BCL9L: variants seen among roughly 807,000 people sequenced by gnomAD.
BCL9L encodes the protein BCL9 like, also known as B-cell CLL/lymphoma 9-like protein.
A neutral mutation model predicts 99.4 loss-of-function variants in BCL9L; 19 were observed. The observed-to-expected ratio is 0.19, with a 90% CI of 0.13 to 0.28. The LOEUF (loss-of-function observed/expected upper bound fraction) is 0.28, where lower values mean the gene tolerates loss of function less well. Ranked by LOEUF, BCL9L falls within the 10% of genes least tolerant of loss-of-function variation. BCL9L has a pLI of 1.00. For missense variants in BCL9L, 2,023 were observed against 2,101.6 expected (o/e 0.96, Z 0.73); for synonymous variants, 900 against 854.8 (o/e 1.05, Z -0.92).
Position 118,902,403 on chromosome 11 carries a change from G to GGGC in BCL9L, c.1339_1340insGCC (p.Ala447delinsGlyPro). ...GGGTGGCTGCTGGGGGGGAGGGGGG[G>GGGC]CTTGTGCTGGTGGGCCCCCCTCACC... On this transcript the variant is annotated protein_altering_variant, in exon 8 of 10. Transcript: ENST00000683865. The surrounding 1 kb of genome is among the most constrained non-coding windows in gnomAD (Gnocchi z 7.8). 1 of 1,307,572 alleles carries GGGC rather than the reference G, an allele frequency of 7.6e-7. No homozygotes were observed. Among genetic ancestry groups the GGGC allele is most frequent in the Non-Finnish European group, 1.1e-6 (1 of 926,322 alleles). 81.0% of individuals were successfully genotyped at this position (1,307,572 alleles called of 1,614,324 possible).
At chr11:118,913,010 T>C (rs976674315) in intron 2 of BCL9L, among the ~76,000 whole-genome samples, 28 of 151,926 alleles carry the variant, frequency 1.8e-4, no homozygotes, top group Non-Finnish European at 5.9e-5. Flanking sequence ...CTTCCTGAGG[T>C]GGTGACTCAG....
chr11:118,912,447 G>A (rs1345028656), intron 2 of BCL9L, among the ~76,000 whole-genome samples: 1 of 152,124 alleles, frequency 6.6e-6, no homozygotes, highest in Non-Finnish European at 1.5e-5. Flanking sequence ...AGGAGCGGAA[G>A]AGGCGGCTTG....
At chr11:118,905,275 G>A (rs548404089) in intron 5 of BCL9L, among the ~76,000 whole-genome samples, 53 of 152,222 alleles carry the variant, frequency 3.5e-4, no homozygotes, top group African/African-American at 9.6e-4. Context: ...TTGGGAGGCC[G>A]AGGCGGGCGG....
In BCL9L at chr11:118,914,953, T is replaced by A. The variant is rs906859490; in HGVS notation, c.-77+3873A>T. Among the ~76,000 whole-genome samples, 3 of 152,138 alleles carry A rather than the reference T, an allele frequency of 2.0e-5. No individual in the cohort carries two copies. Among genetic ancestry groups the A allele is most frequent in the Non-Finnish European group, 2.9e-5 (2 of 68,018 alleles). On this transcript the variant is annotated intron_variant, in intron 2 of 9. Transcript: ENST00000683865. This position sits in a 1 kb window ranked among gnomAD's most constrained non-coding sequence, Gnocchi z 4.4. ...GAGTTCAAGACCAGCCTGGCCATGA[T>A]GGTGAAACCCTGTCTCTACTACAAA...
rs1940202619 is a variant in BCL9L at position 118,901,008 on chromosome 11, C to T, written c.2735G>A (p.Arg912Lys). Residue 912 changes from arginine to lysine, a missense_variant, in exon 8 of 10, where the codon AGG becomes AAG. This residue lies in a region of BCL9L where 902 missense variants were observed against 888.2 expected (regional missense o/e 1.02). Transcript: ENST00000683865. This position sits in a 1 kb window ranked among gnomAD's most constrained non-coding sequence, Gnocchi z 6.6. ...ACTGATGGTGAGGTCCGAAGGCCGC[C>T]TGCCTAGCCCCCGGTTTGGGGCTGA... ...VHSAPNRGLG[R>K]RPSDLTISIN... The T allele has an allele frequency of 3.9e-6, 6 of 1,555,728 alleles. No individual in the cohort carries two copies. The highest frequency in any genetic ancestry group is 1.7e-4 in the Middle Eastern group (1 of 5,762).
At chr11:118,917,711 C>A (rs1034834841) in intron 2 of BCL9L, among the ~76,000 whole-genome samples, 1 of 152,172 alleles carries the variant, frequency 6.6e-6, no homozygotes, top group Non-Finnish European at 1.5e-5. Context: ...CTCCCTCAAC[C>A]CAGGTACCCG....
intron 9 of BCL9L, 137 bp downstream of exon 9, chr11:118,899,780 G>C: frequency 7.8e-7 from 1 of 1,288,834 alleles, no homozygotes; most frequent in South Asian, 1.5e-5. Context: ...CAGCGAGTGG[G>C]AACAGCATCC....
In BCL9L at chr11:118,907,571, C is replaced by G. The variant is rs778468875; in HGVS notation, c.444G>C (p.Val148=). ...EVAPRSKRRC[V]LERKQPYSGD... ...CACTGTACGGCTGCTTCCGCTCCAG[C>G]ACACAGCGCCGCTTACTCCGCGGCG... The change falls in exon 5 of 10, where the codon GTG becomes GTC. Residue 148 remains valine (V), a synonymous_variant. Transcript: ENST00000683865. 11 of 1,613,824 alleles carry G rather than the reference C, an allele frequency of 6.8e-6. No individual in the cohort carries two copies. In the Admixed American group the frequency reaches 1.2e-4, roughly 17 times the overall value.
chr11:118,907,693 T>G, intron 4 of BCL9L, 91 bp from the exon 5 acceptor site: 1 of 1,554,150 alleles, frequency 6.4e-7, no homozygotes, highest in East Asian at 2.3e-5. Flanking sequence ...TTCTCTAAGA[T>G]GCCCCACCCT....
chr11:118,900,055 G>C lies in BCL9L; in HGVS notation c.3268C>G (p.Gln1090Glu). The change falls in exon 9 of 10, where the codon CAG becomes GAG. Residue 1090 changes from glutamine (Q) to glutamate (E), a missense_variant. By Grantham distance (29) the Gln-to-Glu change is conservative. Around this residue, in one of 3 missense-constraint regions of BCL9L, gnomAD observed 902 missense variants for 888.2 expected, o/e 1.02. Transcript: ENST00000683865. The surrounding 1 kb of genome is among the most constrained non-coding windows in gnomAD (Gnocchi z 5.3). ...CTGGGCATGGCGTACTTGGACATCT[G>C]GGTCATCATCAGTGACAGGGGGTTC... ...SQNPLSLMMT[Q>E]MSKYAMPSST... 6.2e-7 allele frequency: 1 copy of C among 1,613,938 alleles called. No individual in the cohort carries two copies. The highest frequency in any genetic ancestry group is 8.5e-7 in the Non-Finnish European group (1 of 1,179,954).
In BCL9L at chr11:118,922,841, GGCA is replaced by G. The variant is rs1162460756; in HGVS notation, c.-131+2394_-131+2396del. 5.3e-5 allele frequency among the ~76,000 whole-genome samples: 8 copies of G among 152,130 alleles called. No individual in the cohort carries two copies. The highest frequency in any genetic ancestry group is 1.9e-4 in the African/African-American group (8 of 41,412). On this transcript the variant is annotated intron_variant, in intron 1 of 9. Coordinates refer to ENST00000683865, the MANE Select transcript of BCL9L (RefSeq NM_001378213.1). This position sits in a 1 kb window ranked among gnomAD's most constrained non-coding sequence, Gnocchi z 6.2. ...AAGGAGCCCCAGAAACAGCCAGCAT[GGCA>G]GCAGGACCACAAGAACCCCAAAGGA...
At chr11:118,913,624 C>T (rs978655364) in intron 2 of BCL9L, among the ~76,000 whole-genome samples, 1 of 152,102 alleles carries the variant, frequency 6.6e-6, no homozygotes, top group African/African-American at 2.4e-5. Context: ...CCCAGGCAGG[C>T]GGCGGGCACT....
intron 2 of BCL9L, among the ~76,000 whole-genome samples, chr11:118,911,963 C>T (rs764042157): frequency 5.9e-5 from 9 of 152,262 alleles, no homozygotes; most frequent in Non-Finnish European, 1.2e-4. Context: ...TCTCCAGTGG[C>T]CGTTCAGGCC....
chr11:118,911,270 G>A (rs1253057511), intron 2 of BCL9L: 1 of 455,518 alleles, frequency 2.2e-6, no homozygotes, highest in Non-Finnish European at 4.4e-6. Flanking sequence ...GCTTCGTCCC[G>A]GTGACAGGCC....
rs1004847562 is a variant in BCL9L at position 118,908,410 on chromosome 11, T to A, written c.272A>T (p.Asn91Ile). Reference sequence around the variant, plus strand: ...TGCCTGGGGGTTCTTCAGACTTGAGTTGCTAGGCGAGATCTGGTTGGCCTT... The same window carrying A: ...TGCCTGGGGGTTCTTCAGACTTGAGATGCTAGGCGAGATCTGGTTGGCCTT... The part of the protein sequence containing the change: ...GAKANQISPS[N>I]SSLKNPQAGV... The change falls in exon 4 of 10, where the codon AAC becomes ATC. Residue 91 changes from asparagine to isoleucine, a missense_variant. Physicochemically the swap from Asn to Ile is moderately radical, Grantham distance 149. Around this residue, in one of 3 missense-constraint regions of BCL9L, gnomAD observed 1,116 missense variants for 1,194.6 expected, o/e 0.93. Transcript: ENST00000683865. 1 of 1,613,878 alleles carries A rather than the reference T, an allele frequency of 6.2e-7. No individual in the cohort carries two copies. Among genetic ancestry groups the A allele is most frequent in the African/African-American group, 1.3e-5 (1 of 74,920 alleles).
In BCL9L at chr11:118,900,234, CT is replaced by C; in HGVS notation, c.3125-37del. On this transcript the variant is annotated intron_variant, in intron 8 of 9. Transcript: ENST00000683865. The surrounding 1 kb of genome is among the most constrained non-coding windows in gnomAD (Gnocchi z 5.3). ...GGGGAGACAAAGAGAGCAGGGGTGA[CT>C]GGGGAGGGGCAGATGAGTTTGGCTG... 6.5e-7 allele frequency: 1 copy of C among 1,542,892 alleles called. No individual in the cohort carries two copies. Among genetic ancestry groups the C allele is most frequent in the Non-Finnish European group, 8.8e-7 (1 of 1,142,392 alleles).
At chr11:118,906,687 C>T (rs1371823285) in intron 5 of BCL9L, among the ~76,000 whole-genome samples, 2 of 117,712 alleles carry the variant, frequency 1.7e-5, no homozygotes, top group East Asian at 4.9e-4. Context: ...TCCTTTCTTT[C>T]TCTCTCTCTC....
intron 4 of BCL9L, 21 bp downstream of exon 4, chr11:118,908,249 A>C: frequency 6.5e-7 from 1 of 1,532,254 alleles, no homozygotes; most frequent in South Asian, 1.3e-5. Flanking sequence ...CTAGGGTCTT[A>C]GGGATGAGGA....
At chr11:118,907,144 G>C (rs571855078) in intron 5 of BCL9L, among the ~76,000 whole-genome samples, 2 of 152,214 alleles carry the variant, frequency 1.3e-5, no homozygotes, top group Non-Finnish European at 2.9e-5. Context: ...CCAACTGCCC[G>C]GCTCCCAGTG....
Sources: gnomAD v4.1 joint callset for allele counts (sites outside exome capture counted in the v4.1 genomes callset) on GRCh38, gnomAD v4.1.1 for gene constraint, gnomAD v4.1.1 regional missense constraint, Gnocchi (gnomAD v3.1) non-coding constraint, MANE v1.5 for transcripts, NCBI Gene and HGNC (gene_info 2026-07-23, HGNC 2026-07-21) for gene names.